Variants in PLEKHA7 observed in about 807,000 individuals in gnomAD.
PLEKHA7 encodes pleckstrin homology domain containing A7.
In PLEKHA7, 104 loss-of-function variants were observed where a neutral mutation model predicts 170.0. The observed-to-expected ratio is 0.61, with a 90% CI of 0.52 to 0.72. The LOEUF is 0.72. Among genes scored for constraint, PLEKHA7 ranks in the 30% least tolerant of loss-of-function variants. The pLI, the probability that PLEKHA7 is intolerant of heterozygous loss-of-function variation, is 0.00. For missense variants in PLEKHA7, 1,615 were observed against 1,671.7 expected (o/e 0.97, Z 0.59); for synonymous variants, 648 against 660.8 (o/e 0.98, Z 0.30).
At chr11:16,828,493 G>A (rs954900189) in intron 9 of PLEKHA7, among the ~76,000 whole-genome samples, 1 of 152,138 alleles carries the variant, frequency 6.6e-6, no homozygotes, top group Non-Finnish European at 1.5e-5. Context: ...ATAGCAGTGT[G>A]AGAATGGACT....
chr11:16,857,467 T>C (rs1853560853), intron 4 of PLEKHA7, among the ~76,000 whole-genome samples: 2 of 152,208 alleles, frequency 1.3e-5, no homozygotes, highest in Non-Finnish European at 2.9e-5. Flanking sequence ...GCAGAGGCTG[T>C]GTGCAGCAAG....
intron 4 of PLEKHA7, among the ~76,000 whole-genome samples, chr11:16,865,963 G>C (rs1331724777): frequency 6.6e-6 from 1 of 151,486 alleles, no homozygotes; most frequent in African/African-American, 2.4e-5. Context: ...TCAGCCTCCC[G>C]AGTAGCTGGG....
chr11:16,839,625 G>C (rs924958970), intron 9 of PLEKHA7, among the ~76,000 whole-genome samples: 1 of 151,884 alleles, frequency 6.6e-6, no homozygotes, highest in African/African-American at 2.4e-5. Context: ...TTATTTTCTT[G>C]TCATTATTGC....
chr11:16,969,874 G>A (rs1480005086), intron 3 of PLEKHA7, among the ~76,000 whole-genome samples: 1 of 152,200 alleles, frequency 6.6e-6, no homozygotes, highest in Non-Finnish European at 1.5e-5. Context: ...GCTAGTTTGA[G>A]TTGGGTTTCT....
chr11:16,855,741 T>C, intron 5 of PLEKHA7, 62 bp downstream of exon 5: 1 of 1,276,734 alleles, frequency 7.8e-7, no homozygotes, highest in Non-Finnish European at 1.1e-6. Flanking sequence ...GACTTCTGGT[T>C]ACAAAGGGGC....
chr11:16,911,153 G>T lies in PLEKHA7; in HGVS notation c.222-39971C>A, dbSNP rs562380480. ...CAAATTGCAGTTTGAAACAGCACGAGGAAATCAAAATGTGTGTATCTTTTT... is the reference window on the plus strand; with the variant it reads ...CAAATTGCAGTTTGAAACAGCACGATGAAATCAAAATGTGTGTATCTTTTT... On this transcript the variant is annotated intron_variant, in intron 3 of 26. Transcript: ENST00000531066. Among the ~76,000 whole-genome samples the T allele has an allele frequency of 1.1e-4, 17 of 152,344 alleles. 1 individual carries two copies. The East Asian group carries it at 3.3e-3, about 29-fold the overall frequency.
intron 3 of PLEKHA7, among the ~76,000 whole-genome samples, chr11:16,881,915 G>A (rs1252668530): frequency 1.3e-5 from 2 of 152,178 alleles, no homozygotes; most frequent in East Asian, 1.9e-4. Flanking sequence ...TCTCAGCACC[G>A]ATTTAACCAT....
At chr11:16,890,276 T>C (rs906183002) in intron 3 of PLEKHA7, among the ~76,000 whole-genome samples, 2 of 152,132 alleles carry the variant, frequency 1.3e-5, no homozygotes, top group Non-Finnish European at 2.9e-5. Context: ...AACAATATTA[T>C]AACAAGAACA....
At chr11:16,936,634 A>G (rs951922518) in intron 3 of PLEKHA7, among the ~76,000 whole-genome samples, 2 of 152,148 alleles carry the variant, frequency 1.3e-5, no homozygotes, top group African/African-American at 4.8e-5. Context: ...AGTGGCTTTT[A>G]TGAAAATAAT....
At chr11:16,814,058 G>A (rs1849568105) in intron 12 of PLEKHA7, among the ~76,000 whole-genome samples, 1 of 152,198 alleles carries the variant, frequency 6.6e-6, no homozygotes, top group African/African-American at 2.4e-5. Context: ...CAGCTCTGAG[G>A]TAAGACAGTC....
At chr11:16,927,494 C>G (rs1193884197) in intron 3 of PLEKHA7, among the ~76,000 whole-genome samples, 1 of 152,102 alleles carries the variant, frequency 6.6e-6, no homozygotes, top group East Asian at 1.9e-4. Flanking sequence ...GCCACCAGCA[C>G]TTATCATCTC....
At chr11:16,802,837 C>T (rs942994137) in intron 15 of PLEKHA7, 135 bp downstream of exon 15, 40 of 797,104 alleles carry the variant, frequency 5.0e-5, no homozygotes, top group Admixed American at 1.7e-4. Flanking sequence ...TGAGCCACCG[C>T]ACCTGGTGCA....
At chr11:16,993,987 A>G (rs1459829366) in intron 3 of PLEKHA7, among the ~76,000 whole-genome samples, 1 of 152,228 alleles carries the variant, frequency 6.6e-6, no homozygotes, top group African/African-American at 2.4e-5. Context: ...ATTATGGTAA[A>G]CTGTGGGGAA....
chr11:16,846,643 G>A (rs1852430834), intron 8 of PLEKHA7, among the ~76,000 whole-genome samples: 1 of 152,212 alleles, frequency 6.6e-6, no homozygotes, highest in Non-Finnish European at 1.5e-5. Context: ...GTTACTGAAG[G>A]AGCAGTCACT....
At chr11:16,962,787 G>A (rs1445560688) in intron 3 of PLEKHA7, among the ~76,000 whole-genome samples, 2 of 152,076 alleles carry the variant, frequency 1.3e-5, no homozygotes, top group Admixed American at 6.6e-5. Flanking sequence ...TGGTCCTTTG[G>A]CAGCCTCCCC....
rs1850611852 is a variant in PLEKHA7 at position 16,826,056 on chromosome 11, T to C, written c.1343+64A>G. On this transcript the variant is annotated intron_variant, in intron 10 of 26. Coordinates refer to ENST00000531066, the MANE Select transcript of PLEKHA7 (RefSeq NM_001329630.2). ...CCTTACGCAGCAAGTGCTGGCTAAA[T>C]GACAGCTCTTGCCACTACATTATCG... The C allele has an allele frequency of 4.7e-6, 7 of 1,492,148 alleles. No individual in the cohort carries two copies. In the South Asian group the frequency reaches 6.3e-5, roughly 13 times the overall value. The allele number at this position is 1,492,148 out of a possible 1,614,324, so 92.4% of individuals were successfully genotyped here.
intron 10 of PLEKHA7, among the ~76,000 whole-genome samples, chr11:16,822,272 C>T (rs1053194419): frequency 4.6e-5 from 7 of 152,064 alleles, no homozygotes; most frequent in African/African-American, 7.2e-5. Context: ...CTGGCCATGC[C>T]GTCTTACTGA....
In PLEKHA7 at chr11:16,817,810, C is replaced by CTCT. The variant is rs1849888215; in HGVS notation, c.1344-489_1344-488insAGA. On this transcript the variant is annotated intron_variant, in intron 10 of 26. Transcript: ENST00000531066. This position sits in a 1 kb window ranked among gnomAD's most constrained non-coding sequence, Gnocchi z 4.4. The stretch of plus-strand genomic sequence containing the variant: ...ATTAATTATCTCCCTCCAGACAACT[C>CTCT]TGAGATGCTCCTAATGGGTTTCCAC... Among the ~76,000 whole-genome samples the CTCT allele has an allele frequency of 6.6e-6, 1 of 152,190 alleles. No homozygotes were observed. The highest frequency in any genetic ancestry group is 2.1e-4 in the South Asian group (1 of 4,830).
intron 16 of PLEKHA7, 114 bp from the exon 17 acceptor site, chr11:16,801,189 A>T: frequency 1.1e-6 from 1 of 880,890 alleles, no homozygotes; most frequent in South Asian, 1.4e-5. Flanking sequence ...AGGGAAGGAG[A>T]CCGGGCAGGC....
Sources: gnomAD v4.1 joint callset for allele counts (sites outside exome capture counted in the v4.1 genomes callset) on GRCh38, gnomAD v4.1.1 for gene constraint, Gnocchi (gnomAD v3.1) non-coding constraint, MANE v1.5 for transcripts, NCBI Gene and HGNC (gene_info 2026-07-23, HGNC 2026-07-21) for gene names.